The following PNP variants were observed in gnomAD, a reference collection of about 807,000 sequenced individuals.
PNP encodes HEL-S-156an.
In PNP, 18 loss-of-function variants were observed where a neutral mutation model predicts 26.8. The ratio of observed to expected loss-of-function variants is 0.67; its 90% CI spans 0.46 to 1.00. PNP has a LOEUF of 1.00. Ranked by LOEUF, PNP falls within the 50% of genes least tolerant of loss-of-function variation. The probability of loss-of-function intolerance (pLI) is 0.00; values close to 1 mark genes in which losing one functional copy is unlikely to be tolerated. For synonymous variants in PNP, 116 were observed against 124.8 expected, an observed-to-expected ratio of 0.93 and a Z score of 0.47; for missense variants, 320 against 362.9, an observed-to-expected ratio of 0.88 and a Z score of 0.96.
intron 5 of PNP, 60 bp from the exon 6 acceptor site, chr14:20,476,324 G>T: frequency 7.5e-7 from 1 of 1,329,616 alleles, no homozygotes; most frequent in Non-Finnish European, 1.1e-6. Context: ...GAGGCTAAAG[G>T]GCAAGGAAAA....
At chr14:20,474,261 C>G in intron 2 of PNP, 3 of 543,298 alleles carry the variant, frequency 5.5e-6, no homozygotes, top group Non-Finnish European at 1.0e-5. Context: ...CACCCCATAT[C>G]TCTAATCTTG....
At chr14:20,471,837 T>G (rs1473364044) in intron 1 of PNP, among the ~76,000 whole-genome samples, 1 of 152,088 alleles carries the variant, frequency 6.6e-6, no homozygotes, top group Non-Finnish European at 1.5e-5. Context: ...ATAAGGGGGA[T>G]TTTACTAGGT....
rs976587316 is a variant in PNP, at chr14:20,471,958, G to C, written c.12-350G>C. On this transcript the variant is annotated intron_variant, in intron 1 of 5. Transcript: ENST00000361505. Reference sequence around the variant, plus strand: ...TTTGATTATTTCCTTGCACTTCCCCGTACACTCTGGCCCCTTCCTCTCTAA... The same window carrying C: ...TTTGATTATTTCCTTGCACTTCCCCCTACACTCTGGCCCCTTCCTCTCTAA... 3.9e-5 allele frequency among the ~76,000 whole-genome samples: 6 copies of C among 152,098 alleles called. No individual in the cohort carries two copies. The South Asian group carries it at 6.2e-4, about 16-fold the overall frequency.
chr14:20,474,216 C>A (rs1277818166), intron 2 of PNP: 4 of 436,970 alleles, frequency 9.2e-6, no homozygotes, highest in African/African-American at 8.0e-5. Flanking sequence ...AAAAGCCCTT[C>A]CTTCTTTGTG....
rs1291930008 is a variant in PNP, at chr14:20,474,565, C to T, written c.275C>T (p.Pro92Leu). The T allele has an allele frequency of 1.9e-6, 3 of 1,613,858 alleles. No individual in the cohort carries two copies. The South Asian group carries it at 3.3e-5, about 18-fold the overall frequency. The change falls in exon 3 of 6, where the codon CCA (proline) becomes CTA (leucine). Residue 92 changes from proline (P) to leucine (L), a missense_variant. Physicochemically the swap from Pro to Leu is moderately conservative, Grantham distance 98 (BLOSUM62 -3). Coordinates refer to ENST00000361505, the MANE Select transcript of PNP (RefSeq NM_000270.4). ...AGGTTCCACATGTATGAAGGGTACC[C>T]ACTCTGGAAGGTAAGTCAGAGGGAT... Reference protein sequence around the residue: ...QGRFHMYEGYPLWKVTFPVRV... With the variant: ...QGRFHMYEGYLLWKVTFPVRV...
chr14:20,476,249 G>T, intron 5 of PNP, 135 bp from the exon 6 acceptor site: 1 of 766,116 alleles, frequency 1.3e-6, no homozygotes. Flanking sequence ...TGGGATTACA[G>T]GTGTGAACCA....
Position 20,476,326 on chromosome 14 carries a change from C to G in PNP, c.653-58C>G, listed in dbSNP as rs375466674. On this transcript the variant is annotated intron_variant, in intron 5 of 5. Coordinates refer to ENST00000361505, the MANE Select transcript of PNP (RefSeq NM_000270.4). ...TCTTGTTGAAAGCGAGGCTAAAGGG[C>G]AAGGAAAAGAGTTATTTGAGGATCC... The G allele has an allele frequency of 6.7e-6, 9 of 1,344,724 alleles. No homozygotes were observed. In the African/African-American group the frequency reaches 1.3e-4, roughly 19 times the overall value. The allele number at this position is 1,344,724 out of a possible 1,614,324, so 83.3% of individuals were successfully genotyped here.
chr14:20,469,475 C>T lies in PNP; in HGVS notation c.-50C>T. 6.5e-7 allele frequency: 1 copy of T among 1,549,368 alleles called. No homozygotes were observed. The highest frequency in any genetic ancestry group is 8.7e-7 in the Non-Finnish European group (1 of 1,146,562). ...CGGAGCGGATCCGATCGGATCGGAG[C>T]GGATCGGAGCACACCGGAGCAGGCT... On this transcript the variant is annotated 5_prime_UTR_variant, in exon 1 of 6. Transcript: ENST00000361505.
intron 5 of PNP, 61 bp downstream of exon 5, chr14:20,475,313 G>A (rs1488447228): frequency 6.9e-7 from 1 of 1,445,832 alleles, no homozygotes; most frequent in Non-Finnish European, 9.5e-7. Flanking sequence ...ATGGGAAGGG[G>A]AAGGAGTAGG....
In PNP at chr14:20,476,945, C is replaced by A. The variant is rs1594428635; in HGVS notation, c.*344C>A. On this transcript the variant is annotated 3_prime_UTR_variant, in exon 6 of 6. Coordinates refer to ENST00000361505, the MANE Select transcript of PNP (RefSeq NM_000270.4). Reference sequence around the variant, plus strand: ...GCCTTAGAACTTTGCATAGCAGCTGCTACTAGCTCTTTGAGATAATACATT... The same window carrying A: ...GCCTTAGAACTTTGCATAGCAGCTGATACTAGCTCTTTGAGATAATACATT... The A allele has an allele frequency of 5.3e-6, 2 of 378,926 alleles. No individual in the cohort carries two copies. The highest frequency in any genetic ancestry group is 1.3e-4 in the East Asian group (2 of 15,926). 23.5% of individuals were successfully genotyped at this position (378,926 alleles called of 1,614,324 possible). A position where few individuals can be genotyped will look rare whatever the true frequency, so the allele number is the denominator to read the frequency against.
At position 20,474,864 on chromosome 14, in the gene PNP, T is replaced by C. The variant is rs886050388; in HGVS notation, c.377T>C (p.Val126Ala). The C allele has an allele frequency of 2.5e-6, 4 of 1,614,062 alleles. No homozygotes were observed. Among genetic ancestry groups the C allele is most frequent in the Non-Finnish European group, 3.4e-6 (4 of 1,180,038 alleles). Residue 126 changes from valine to alanine, a missense_variant, in exon 4 of 6, where the codon GTT becomes GCT. Coordinates refer to ENST00000361505, the MANE Select transcript of PNP (RefSeq NM_000270.4). ...AAGGLNPKFE[V>A]GDIMLIRDHI... ...GGAGGGCTGAACCCCAAGTTTGAGG[T>C]TGGAGATATCATGCTGATCCGTGAC...
chr14:20,476,498 A>G lies in PNP; in HGVS notation c.767A>G (p.Asn256Ser), dbSNP rs1566526375. 6.2e-7 allele frequency: 1 copy of G among 1,614,196 alleles called. No homozygotes were observed. Among genetic ancestry groups the G allele is most frequent in the Non-Finnish European group, 8.5e-7 (1 of 1,180,022 alleles). Residue 256 changes from asparagine to serine, a missense_variant, in exon 6 of 6, where the codon AAC (asparagine) becomes AGC (serine). Coordinates refer to ENST00000361505, the MANE Select transcript of PNP (RefSeq NM_000270.4). ...GATTATGAAAGCCTGGAGAAGGCCA[A>G]CCATGAAGAAGTCTTAGCAGCTGGC... Reference protein sequence around the residue: ...IMDYESLEKANHEEVLAAGKQ... With the variant: ...IMDYESLEKASHEEVLAAGKQ...
At chr14:20,471,552 C>A (rs542459347) in intron 1 of PNP, among the ~76,000 whole-genome samples, 5 of 152,038 alleles carry the variant, frequency 3.3e-5, no homozygotes, top group Non-Finnish European at 7.4e-5. Context: ...GTACTGTGGA[C>A]TGGGTCTGCT....
intron 1 of PNP, among the ~76,000 whole-genome samples, chr14:20,471,197 A>ATTTTTTTTTTTTTTTTTTTTTT (rs397960222): frequency 1.1e-5 from 1 of 90,670 alleles, no homozygotes; most frequent in African/African-American, 4.7e-5. Flanking sequence ...CGCCCGGCTA[A>ATTTTTTTTTTTTTTTTTTTTTT]TTTTTTTTTT....
chr14:20,474,145 C>CT (rs1161120516), intron 2 of PNP: 8 of 325,302 alleles, frequency 2.5e-5, no homozygotes, highest in Admixed American at 1.4e-4. Flanking sequence ...TGAGTATCTA[C>CT]TTTTTTTGCT....
intron 1 of PNP, among the ~76,000 whole-genome samples, chr14:20,471,113 C>T (rs1229270874): frequency 6.6e-6 from 1 of 151,668 alleles, no homozygotes; most frequent in Non-Finnish European, 1.5e-5. Context: ...TCACTGCAAC[C>T]TCTGCCTCCC....
At chr14:20,473,935 T>C (rs1882042135) in intron 2 of PNP, 1 of 163,838 alleles carries the variant, frequency 6.1e-6, no homozygotes, top group Non-Finnish European at 1.3e-5. Context: ...TACTGCGTGG[T>C]GGTGACGTCT....
At chr14:20,469,606 T>A (rs780881384) in intron 1 of PNP, 71 bp downstream of exon 1, 17 of 1,543,734 alleles carry the variant, frequency 1.1e-5, no homozygotes, top group African/African-American at 1.4e-5. Context: ...CCTGGCACAC[T>A]GGGCCCAGAG....
chr14:20,471,410 TTG>T (rs763154191), intron 1 of PNP, among the ~76,000 whole-genome samples: 31 of 148,846 alleles, frequency 2.1e-4, no homozygotes, highest in Non-Finnish European at 2.1e-4. Context: ...TGTGGGGGTT[TTG>T]TGTGTGTGTG....
Sources: gnomAD v4.1 joint callset for allele counts (sites outside exome capture counted in the v4.1 genomes callset) on GRCh38, gnomAD v4.1.1 for gene constraint, MANE v1.5 for transcripts, NCBI Gene and HGNC (gene_info 2026-07-23, HGNC 2026-07-21) for gene names.